Variants in SUGCT observed in about 807,000 individuals in gnomAD.
SUGCT encodes the protein succinyl-CoA:glutarate CoA-transferase.
Under a neutral mutation model 55.0 loss-of-function variants are expected in SUGCT, and 41 were observed. That is an observed-to-expected ratio of 0.74 (90% CI 0.58 to 0.97). SUGCT has a LOEUF of 0.97. Among genes scored for constraint, SUGCT ranks in the 50% least tolerant of loss-of-function variants. The pLI is 0.00. For missense variants in SUGCT, 568 were observed against 547.8 expected (o/e 1.04, Z -0.37); for synonymous variants, 187 against 200.4 (o/e 0.93, Z 0.56).
At chr7:40,568,898 C>G (rs1380146033) in intron 12 of SUGCT, among the ~76,000 whole-genome samples, 1 of 152,166 alleles carries the variant, frequency 6.6e-6, no homozygotes, top group Non-Finnish European at 1.5e-5. Context: ...GGGTTTGAAT[C>G]CTGGCTCTGC....
chr7:40,199,733 T>C (rs1447345924), intron 6 of SUGCT, among the ~76,000 whole-genome samples: 2 of 152,162 alleles, frequency 1.3e-5, no homozygotes, highest in Non-Finnish European at 2.9e-5. Flanking sequence ...CATTTCATTA[T>C]ATTATTGACT....
intron 9 of SUGCT, among the ~76,000 whole-genome samples, chr7:40,418,823 C>T (rs986791001): frequency 1.3e-5 from 2 of 152,140 alleles, no homozygotes; most frequent in Non-Finnish European, 2.9e-5. Context: ...CATTTTTCCT[C>T]TGCCCTGTCA....
intron 13 of SUGCT, among the ~76,000 whole-genome samples, chr7:40,773,402 T>C (rs1368538483): frequency 1.3e-5 from 2 of 152,204 alleles, no homozygotes; most frequent in Admixed American, 1.3e-4. Context: ...ATGCTGTGAT[T>C]ACAGGCGTGA....
At chr7:40,946,215 A>G in the SUGCT span, among the ~76,000 whole-genome samples, 45 of 150,696 alleles carry the variant, frequency 3.0e-4, no homozygotes, top group Non-Finnish European at 5.3e-4. Flanking sequence ...TGCTTGCTTT[A>G]TACTACCTAG....
intron 13 of SUGCT, among the ~76,000 whole-genome samples, chr7:40,858,067 T>C (rs958928945): frequency 2.6e-5 from 4 of 152,146 alleles, no homozygotes; most frequent in Non-Finnish European, 4.4e-5. Context: ...TTCAATGTCC[T>C]AATCTGGAAA....
intron 9 of SUGCT, among the ~76,000 whole-genome samples, chr7:40,339,687 C>A (rs113275358): frequency 1.3e-5 from 2 of 152,188 alleles, no homozygotes; most frequent in East Asian, 3.9e-4. Flanking sequence ...TGACCCCTTG[C>A]GCTTCCTGGG....
intron 13 of SUGCT, among the ~76,000 whole-genome samples, chr7:40,856,043 G>C (rs1794152004): frequency 6.6e-6 from 1 of 152,146 alleles, no homozygotes; most frequent in South Asian, 2.1e-4. Context: ...CCTGTTCTGT[G>C]TCTCTCATAA....
rs867481709 is a variant in SUGCT at position 40,738,603 on chromosome 7, C to T, written c.1090-10831C>T. On this transcript the variant is annotated intron_variant, in intron 12 of 13. Transcript: ENST00000335693. ...AAACAAAATGCATTACTGTTCAAGT[C>T]ACCTCATGTCAATAAAAATTTGAAT... is the stretch of plus-strand genomic sequence containing the variant. Among the ~76,000 whole-genome samples, 4 of 152,152 alleles carry T rather than the reference C, an allele frequency of 2.6e-5. No homozygotes were observed. The South Asian group carries it at 8.3e-4, about 32-fold the overall frequency.
rs1459988551 is a variant in SUGCT, at chr7:40,246,901, A to C, written c.576+9175A>C. 2.0e-5 allele frequency among the ~76,000 whole-genome samples: 3 copies of C among 152,198 alleles called. No homozygotes were observed. In the East Asian group the frequency reaches 5.8e-4, roughly 29 times the overall value. On this transcript the variant is annotated intron_variant, in intron 7 of 13. Coordinates refer to ENST00000335693, the MANE Select transcript of SUGCT (RefSeq NM_001193313.2). ...GACGTGAGCCACCATGCTTGGACTA[A>C]TTGAAGGCTTGTAATGTTCATTCAA... is the stretch of plus-strand genomic sequence containing the variant.
At chr7:41,000,283 GACAC>G in the SUGCT span, among the ~76,000 whole-genome samples, 1 of 151,648 alleles carries the variant, frequency 6.6e-6, no homozygotes, top group Non-Finnish European at 1.5e-5. Context: ...CACACGCACG[GACAC>G]ACACACACGC....
At chr7:40,386,733 A>G (rs1403154073) in intron 9 of SUGCT, among the ~76,000 whole-genome samples, 1 of 152,172 alleles carries the variant, frequency 6.6e-6, no homozygotes, top group Non-Finnish European at 1.5e-5. Flanking sequence ...CTGTTGTCCC[A>G]GGGGTGTGAG....
At chr7:40,680,913 A>G (rs754315974) in intron 12 of SUGCT, among the ~76,000 whole-genome samples, 16 of 152,148 alleles carry the variant, frequency 1.1e-4, no homozygotes, top group Non-Finnish European at 1.9e-4. Context: ...CATTAGGAAA[A>G]TTCATGCACT....
intron 9 of SUGCT, among the ~76,000 whole-genome samples, chr7:40,365,600 G>A (rs1346180615): frequency 6.6e-6 from 1 of 151,916 alleles, no homozygotes; most frequent in South Asian, 2.1e-4. Context: ...AAAATCACAA[G>A]CATTCTTATA....
intron 12 of SUGCT, among the ~76,000 whole-genome samples, chr7:40,733,342 A>G (rs1251375000): frequency 2.0e-5 from 3 of 152,190 alleles, no homozygotes; most frequent in Admixed American, 2.0e-4. Flanking sequence ...TCTACTTATC[A>G]GTATTATCTC....
intron 13 of SUGCT, among the ~76,000 whole-genome samples, chr7:40,776,361 TG>T (rs1789452906): frequency 1.3e-5 from 2 of 152,192 alleles, no homozygotes; most frequent in African/African-American, 2.4e-5. Context: ...TGTGGGGTTT[TG>T]TTGGTGTCTT....
intron 13 of SUGCT, among the ~76,000 whole-genome samples, chr7:40,782,172 T>C (rs954538829): frequency 9.2e-5 from 14 of 152,002 alleles, no homozygotes; most frequent in African/African-American, 3.4e-4. Context: ...TAATAGAATA[T>C]TTTTTTCTAG....
intron 11 of SUGCT, among the ~76,000 whole-genome samples, chr7:40,469,207 T>G (rs1790281662): frequency 6.6e-6 from 1 of 152,226 alleles, no homozygotes; most frequent in Non-Finnish European, 1.5e-5. Flanking sequence ...TAATGTCTTA[T>G]GAGGCTGCAT....
At chr7:40,448,616 G>T (rs998269612) in intron 9 of SUGCT, among the ~76,000 whole-genome samples, 3 of 152,104 alleles carry the variant, frequency 2.0e-5, no homozygotes, top group Non-Finnish European at 4.4e-5. Flanking sequence ...GGGAGGCTGA[G>T]GTAAGCGGAT....
intron 9 of SUGCT, among the ~76,000 whole-genome samples, chr7:40,340,752 A>G (rs1796999101): frequency 6.6e-6 from 1 of 152,232 alleles, no homozygotes; most frequent in Non-Finnish European, 1.5e-5. Context: ...TCAGAAATAA[A>G]AGCGTTTTTA....
Sources: gnomAD v4.1 joint callset for allele counts (sites outside exome capture counted in the v4.1 genomes callset) on GRCh38, gnomAD v4.1.1 for gene constraint, MANE v1.5 for transcripts, NCBI Gene and HGNC (gene_info 2026-07-23, HGNC 2026-07-21) for gene names.